The following ZNF519 variants were observed in gnomAD, a reference collection of about 807,000 sequenced individuals.
ZNF519 encodes similar to Zinc finger protein 85 (Zinc finger protein HPF4) (HTF1).
ZNF519 carries 7 observed loss-of-function variants against 7.4 expected under a neutral mutation model. The ratio of observed to expected loss-of-function variants is 0.94; its 90% CI spans 0.54 to 1.77. The LOEUF (loss-of-function observed/expected upper bound fraction) is 1.77, where lower values mean the gene tolerates loss of function less well. Among genes scored for constraint, ZNF519 ranks in the 40% most tolerant of loss-of-function variants. The pLI is 0.00. For synonymous variants in ZNF519, 179 were observed against 203.3 expected, an observed-to-expected ratio of 0.88 and a Z score of 1.02; for missense variants, 586 against 623.1, an observed-to-expected ratio of 0.94 and a Z score of 0.63.
intron 2 of ZNF519, among the ~76,000 whole-genome samples, chr18:14,114,793 G>T (rs2046237794): frequency 6.6e-6 from 1 of 152,016 alleles, no homozygotes; most frequent in South Asian, 2.1e-4. Flanking sequence ...ATAACAAAAG[G>T]AACGTAATTA....
Position 14,106,226 on chromosome 18 carries a change from A to G in ZNF519, c.314T>C (p.Leu105Ser). Reference sequence around the variant, plus strand: ...TAAATGTTTGTTATGACTAGTTGTCAAATATTGGCTACATAGATTATAACA... The same window carrying G: ...TAAATGTTTGTTATGACTAGTTGTCGAATATTGGCTACATAGATTATAACA... ...KECYNLCSQY[L>S]TTSHNKHLTV... The change falls in exon 3 of 3, where the codon TTG (leucine) becomes TCG (serine). Residue 105 changes from leucine (L) to serine (S), a missense_variant. Transcript: ENST00000590202. The G allele has an allele frequency of 6.2e-7, 1 of 1,613,508 alleles. No individual in the cohort carries two copies. The highest frequency in any genetic ancestry group is 8.5e-7 in the Non-Finnish European group (1 of 1,179,876).
chr18:14,098,509 G>A (rs2046146923), downstream of ZNF519, among the ~76,000 whole-genome samples: 1 of 151,836 alleles, frequency 6.6e-6, no homozygotes, highest in Non-Finnish European at 1.5e-5. Context: ...TGCACTGATG[G>A]CTGCCTCCTG....
At chr18:14,094,808 T>G (rs951034649) in intron 2 of ZNF519, among the ~76,000 whole-genome samples, 1 of 152,192 alleles carries the variant, frequency 6.6e-6, no homozygotes, top group Non-Finnish European at 1.5e-5. Flanking sequence ...GATTTTTTTT[T>G]GTTTGATTGA....
At position 14,105,705 on chromosome 18, in the gene ZNF519, G is replaced by C. The variant is rs1293941808; in HGVS notation, c.835C>G (p.His279Asp). ...ERGKAFTRGLHLGHQKIHTGE... is the reference protein window; with the variant it reads ...ERGKAFTRGLDLGHQKIHTGE... The stretch of plus-strand genomic sequence containing the variant: ...GTATGAATTTTCTGATGTCCAAGAT[G>C]TAAGCCCCTGGTAAAAGCTTTGCCA... Residue 279 changes from histidine (H) to aspartate (D), a missense_variant, in exon 3 of 3, where the codon CAT becomes GAT. Physicochemically the swap from His to Asp is moderately conservative, Grantham distance 81. Coordinates refer to ENST00000590202, the MANE Select transcript of ZNF519 (RefSeq NM_145287.4). The C allele has an allele frequency of 6.2e-7, 1 of 1,613,680 alleles. No individual in the cohort carries two copies. The highest frequency in any genetic ancestry group is 8.5e-7 in the Non-Finnish European group (1 of 1,179,956).
At chr18:14,080,394 T>C (rs2046066522) in intron 3 of ZNF519, 1 of 136,374 alleles carries the variant, frequency 7.3e-6, no homozygotes, top group Non-Finnish European at 1.5e-5. Context: ...CGATCCCAGC[T>C]CACTGCAACC....
intron 2 of ZNF519, among the ~76,000 whole-genome samples, chr18:14,121,428 C>T (rs572859399): frequency 6.6e-6 from 1 of 152,124 alleles, no homozygotes; most frequent in Non-Finnish European, 1.5e-5. Flanking sequence ...AACGTATACA[C>T]ATATCAAATC....
intron 1 of ZNF519, 72 bp downstream of exon 1, chr18:14,132,203 G>A: frequency 1.3e-6 from 2 of 1,582,662 alleles, no homozygotes; most frequent in Non-Finnish European, 1.7e-6. Flanking sequence ...ACTAGGTCCC[G>A]TCACCGCCAT....
At position 14,120,974 on chromosome 18, in the gene ZNF519, TAC is replaced by T. The variant is rs892049662; in HGVS notation, c.130+3374_130+3375del. On this transcript the variant is annotated intron_variant, in intron 2 of 2. Coordinates refer to ENST00000590202, the MANE Select transcript of ZNF519 (RefSeq NM_145287.4). Reference sequence around the variant, plus strand: ...AAAATATGGTGTGTGTGTGTGTACATACACACACACAGAGAAGAATACTATTC... The same window carrying T: ...AAAATATGGTGTGTGTGTGTGTACATACACACACAGAGAAGAATACTATTC... Among the ~76,000 whole-genome samples, 15 of 151,726 alleles carry T rather than the reference TAC, an allele frequency of 9.9e-5. 1 individual carries two copies. Among genetic ancestry groups the T allele is most frequent in the Admixed American group, 2.6e-4 (4 of 15,230 alleles).
intron 2 of ZNF519, among the ~76,000 whole-genome samples, chr18:14,110,909 G>A (rs556903891): frequency 1.3e-5 from 2 of 152,162 alleles, no homozygotes; most frequent in East Asian, 3.9e-4. Flanking sequence ...TGGGAGGCGG[G>A]TGAGGGATAA....
intron 3 of ZNF519, among the ~76,000 whole-genome samples, chr18:14,080,463 A>T (rs1833380712): frequency 6.6e-6 from 1 of 151,906 alleles, no homozygotes; most frequent in Non-Finnish European, 1.5e-5. Context: ...CTGGAACTAC[A>T]GGCACACGCC....
intron 3 of ZNF519, among the ~76,000 whole-genome samples, chr18:14,081,111 C>T (rs1481768947): frequency 6.6e-6 from 1 of 152,118 alleles, no homozygotes; most frequent in Non-Finnish European, 1.5e-5. Flanking sequence ...TTTGTCCAAA[C>T]TAACAGAATG....
At chr18:14,074,804 C>CTT (rs2046041410), downstream of ZNF519, 1 of 152,334 alleles carries the variant, frequency 6.6e-6, no homozygotes, top group Non-Finnish European at 1.5e-5. Flanking sequence ...AGTATTCCAA[C>CTT]CTTTCCCTGT....
chr18:14,119,844 G>T (rs1021614524), intron 2 of ZNF519, among the ~76,000 whole-genome samples: 1 of 152,018 alleles, frequency 6.6e-6, no homozygotes, highest in Non-Finnish European at 1.5e-5. Flanking sequence ...TTGTATAAAA[G>T]AAGTTTAATC....
chr18:14,123,398 C>T (rs2046279529), intron 2 of ZNF519, among the ~76,000 whole-genome samples: 1 of 152,026 alleles, frequency 6.6e-6, no homozygotes. Context: ...TTCTAAGTTC[C>T]ACTACCCAGT....
At chr18:14,116,210 CAGG>C (rs1214505012) in intron 2 of ZNF519, among the ~76,000 whole-genome samples, 1 of 152,140 alleles carries the variant, frequency 6.6e-6, no homozygotes, top group Non-Finnish European at 1.5e-5. Flanking sequence ...CTTTAAGTGT[CAGG>C]AGATTTAATA....
chr18:14,078,305 C>T (rs1320894223), intron 3 of ZNF519: 1 of 152,004 alleles, frequency 6.6e-6, no homozygotes, highest in Non-Finnish European at 1.5e-5. Context: ...TGTACTGATA[C>T]AAAAAATTAA....
Position 14,104,946 on chromosome 18 carries a change from T to A in ZNF519, c.1594A>T (p.Thr532Ser), listed in dbSNP as rs548316745. 3 of 1,567,210 alleles carry A rather than the reference T, an allele frequency of 1.9e-6. No individual in the cohort carries two copies. The South Asian group carries it at 3.7e-5, about 19-fold the overall frequency. The change falls in exon 3 of 3, where the codon ACT becomes TCT. Residue 532 changes from threonine to serine, a missense_variant. Physicochemically the swap from Thr to Ser is moderately conservative, Grantham distance 58. Transcript: ENST00000590202. ...GKAFNRRSTL[T>S]QHQIIHTR The stretch of plus-strand genomic sequence containing the variant: ...CTGGTATGAATTATTTGATGTTGAG[T>A]AAGGGTTGAGCGTCTGTTAAAAGCT...
chr18:14,099,508 T>C (rs2046150763), downstream of ZNF519, among the ~76,000 whole-genome samples: 1 of 152,118 alleles, frequency 6.6e-6, no homozygotes, highest in Non-Finnish European at 1.5e-5. Flanking sequence ...ATATTAACAT[T>C]CAAATTAATT....
chr18:14,075,086 T>A (rs968240076), downstream of ZNF519: 10 of 152,144 alleles, frequency 6.6e-5, no homozygotes, highest in African/African-American at 2.4e-4. Context: ...CTCCTGTTTT[T>A]AAAACCATCA....
Sources: allele counts gnomAD v4.1 joint callset (sites outside exome capture counted in the v4.1 genomes callset), GRCh38; gene constraint gnomAD v4.1.1; transcripts MANE v1.5; gene names NCBI Gene and HGNC (gene_info 2026-07-23, HGNC 2026-07-21).